ASCC3: variants seen among roughly 807,000 people sequenced by gnomAD.
ASCC3 encodes activating signal cointegrator 1 complex subunit 3, also known as ASC-1 complex subunit P200.
A neutral mutation model predicts 256.3 loss-of-function variants in ASCC3; 158 were observed. The ratio of observed to expected loss-of-function variants is 0.62; its 90% confidence interval spans 0.54 to 0.70. The LOEUF is 0.70. Among genes scored for constraint, ASCC3 ranks in the 30% least tolerant of loss-of-function variants. The probability of loss-of-function intolerance (pLI) is 0.00; values close to 1 mark genes in which losing one functional copy is unlikely to be tolerated. For synonymous variants in ASCC3, 948 were observed against 883.4 expected, an observed-to-expected ratio of 1.07 and a Z score of -1.30; for missense variants, 2,259 against 2,626.0, an observed-to-expected ratio of 0.86 and a Z score of 3.05.
chr6:100,752,490 G>A (rs1780984833), intron 10 of ASCC3, among the ~76,000 whole-genome samples: 1 of 152,064 alleles, frequency 6.6e-6, no homozygotes, highest in Non-Finnish European at 1.5e-5. Context: ...AATTCAGTTT[G>A]TTAATACCTT....
chr6:100,871,655 A>T (rs145813507), intron 1 of ASCC3, among the ~76,000 whole-genome samples: 96 of 152,196 alleles, frequency 6.3e-4, no homozygotes, highest in African/African-American at 2.2e-3. Flanking sequence ...AGTCCCAGCT[A>T]CTCAGGAGGC....
At chr6:100,543,443 A>C (rs1403947891) in intron 36 of ASCC3, among the ~76,000 whole-genome samples, 1 of 152,152 alleles carries the variant, frequency 6.6e-6, no homozygotes, top group East Asian at 1.9e-4. Context: ...ATATAAATAC[A>C]TGTATATATG....
chr6:100,516,852 TACAG>T (rs1410129735), intron 38 of ASCC3, among the ~76,000 whole-genome samples: 29 of 152,212 alleles, frequency 1.9e-4, no homozygotes, highest in African/African-American at 6.5e-4. Context: ...ATTACATTAA[TACAG>T]CACTCTTAAG....
chr6:100,635,879 A>C (rs78017523), intron 25 of ASCC3, among the ~76,000 whole-genome samples: 207 of 152,260 alleles, frequency 1.4e-3, no homozygotes, highest in African/African-American at 4.8e-3. Context: ...AACTATATTA[A>C]AGCACTAGCA....
intron 10 of ASCC3, among the ~76,000 whole-genome samples, chr6:100,761,776 T>C (rs989339453): frequency 1.3e-5 from 2 of 152,150 alleles, no homozygotes; most frequent in South Asian, 2.1e-4. Flanking sequence ...TAAAGTAGCT[T>C]GAAATTTAAA....
chr6:100,609,686 G>A (rs1258436369), intron 30 of ASCC3, among the ~76,000 whole-genome samples: 1 of 152,104 alleles, frequency 6.6e-6, no homozygotes, highest in African/African-American at 2.4e-5. Context: ...GGTGGATCAT[G>A]TAAGGTTTGA....
At chr6:100,815,557 C>T (rs770270407) in intron 4 of ASCC3, among the ~76,000 whole-genome samples, 5 of 151,928 alleles carry the variant, frequency 3.3e-5, no homozygotes, top group Non-Finnish European at 5.9e-5. Context: ...GGTATTGGTA[C>T]AAAAACTGAT....
At chr6:100,577,145 T>C (rs1182720431) in intron 36 of ASCC3, among the ~76,000 whole-genome samples, 1 of 151,768 alleles carries the variant, frequency 6.6e-6, no homozygotes, top group Admixed American at 6.6e-5. Flanking sequence ...CCCTACGTTG[T>C]AAAAAAAATC....
intron 30 of ASCC3, among the ~76,000 whole-genome samples, chr6:100,622,893 A>G (rs1213777921): frequency 2.6e-5 from 4 of 152,038 alleles, no homozygotes; most frequent in Non-Finnish European, 5.9e-5. Flanking sequence ...TATTAAAATT[A>G]ACAACAACAA....
intron 36 of ASCC3, among the ~76,000 whole-genome samples, chr6:100,584,469 C>T (rs1443660903): frequency 2.0e-5 from 3 of 152,018 alleles, no homozygotes; most frequent in Non-Finnish European, 4.4e-5. Context: ...TTATTTTGAG[C>T]CTATGTGTGT....
rs370219890 is a variant in ASCC3 at position 100,655,687 on chromosome 6, T to C, written c.2823+12A>G. On this transcript the variant is annotated intron_variant, in intron 17 of 41. Coordinates refer to ENST00000369162, the MANE Select transcript of ASCC3 (RefSeq NM_006828.4). Reference sequence around the variant, plus strand: ...AGGTCTGAATTTTTTTTTTAATAAATGAGTTTTCTACCTGATAAGCCTTGT... The same window carrying C: ...AGGTCTGAATTTTTTTTTTAATAAACGAGTTTTCTACCTGATAAGCCTTGT... 5.0e-6 allele frequency: 8 copies of C among 1,606,996 alleles called. No individual in the cohort carries two copies. The highest frequency in any genetic ancestry group is 3.3e-4 in the Middle Eastern group (2 of 6,066).
Position 100,661,911 on chromosome 6 carries a change from A to G in ASCC3, c.2598T>C (p.Ile866=). ...PQFDKFGEGI[I]ITTHDKLSHY... Reference sequence around the variant, plus strand: ...GGCTGAGTTTATCATGCGTTGTTATAATTATTCCTTCCCCAAATTTGTCAA... The same window carrying G: ...GGCTGAGTTTATCATGCGTTGTTATGATTATTCCTTCCCCAAATTTGTCAA... The change falls in exon 16 of 42, where the codon ATT becomes ATC. Residue 866 remains isoleucine, a synonymous_variant. Coordinates refer to ENST00000369162, the MANE Select transcript of ASCC3 (RefSeq NM_006828.4). 4 of 1,613,366 alleles carry G rather than the reference A, an allele frequency of 2.5e-6. No individual in the cohort carries two copies. Among genetic ancestry groups the G allele is most frequent in the Non-Finnish European group, 2.5e-6 (3 of 1,179,490 alleles).
At chr6:100,582,403 A>G (rs1468053366) in intron 36 of ASCC3, among the ~76,000 whole-genome samples, 3 of 151,588 alleles carry the variant, frequency 2.0e-5, no homozygotes, top group African/African-American at 7.3e-5. Flanking sequence ...TTATTGGTAT[A>G]TAAGAATGCT....
At chr6:100,745,504 CAAAAA>C (rs10711038) in intron 10 of ASCC3, among the ~76,000 whole-genome samples, 1 of 144,242 alleles carries the variant, frequency 6.9e-6, no homozygotes, top group Non-Finnish European at 1.5e-5. Context: ...AAAACCTAAC[CAAAAA>C]AAAAAAACAA....
Position 100,625,327 on chromosome 6 carries a change from T to G in ASCC3, c.4650A>C (p.Arg1550Ser). ...SMNKPAFQAI[R>S]SHSPAKPVLI... ...AAACAGGTTTGGCTGGAGAATGGCTTCTAATTGCTGTTGAAAAGTTGTGGG... is the reference window on the plus strand; with the variant it reads ...AAACAGGTTTGGCTGGAGAATGGCTGCTAATTGCTGTTGAAAAGTTGTGGG... The change falls in exon 30 of 42, where the codon AGA (arginine) becomes AGC (serine). Residue 1550 changes from arginine to serine, a missense_variant. By Grantham distance (110) the Arg-to-Ser change is moderately radical (BLOSUM62 -1). This residue lies in a region of ASCC3 where 1,839 missense variants were observed against 2,206.7 expected (regional missense o/e 0.83). Transcript: ENST00000369162. 6.2e-7 allele frequency: 1 copy of G among 1,612,622 alleles called. No homozygotes were observed.
intron 30 of ASCC3, 33 bp downstream of exon 30, chr6:100,625,159 T>C: frequency 6.2e-7 from 1 of 1,609,494 alleles, no homozygotes; most frequent in Non-Finnish European, 8.5e-7. Flanking sequence ...ACCTGAAACG[T>C]GTAAGTAGTA....
intron 10 of ASCC3, among the ~76,000 whole-genome samples, chr6:100,752,932 A>C (rs1345896405): frequency 6.6e-6 from 1 of 152,186 alleles, no homozygotes; most frequent in Non-Finnish European, 1.5e-5. Context: ...TATAATTATT[A>C]AACTATTTAT....
intron 1 of ASCC3, among the ~76,000 whole-genome samples, chr6:100,878,353 G>C (rs1160182833): frequency 1.3e-5 from 2 of 152,060 alleles, no homozygotes; most frequent in African/African-American, 4.8e-5. Context: ...TCCTGGACAG[G>C]CTCATAACTA....
At chr6:100,692,658 T>C (rs1388174298) in intron 13 of ASCC3, among the ~76,000 whole-genome samples, 1 of 152,084 alleles carries the variant, frequency 6.6e-6, no homozygotes, top group African/African-American at 2.4e-5. Context: ...TTTCTCTCTT[T>C]AGGGCATTAA....
Sources: allele counts gnomAD v4.1 joint callset (sites outside exome capture counted in the v4.1 genomes callset), GRCh38; gene constraint gnomAD v4.1.1; regional missense constraint gnomAD v4.1.1; transcripts MANE v1.5; gene names NCBI Gene and HGNC (gene_info 2026-07-23, HGNC 2026-07-21).